The following AKAP7 variants were observed in gnomAD, a reference collection of about 807,000 sequenced individuals.
AKAP7 encodes the protein A-kinase anchoring protein 7.
A neutral mutation model predicts 39.5 loss-of-function variants in AKAP7; 39 were observed. That is an observed-to-expected ratio of 0.99 (90% confidence interval 0.76 to 1.29). The LOEUF is 1.29. Ranked by LOEUF, AKAP7 falls within the 50% of genes most tolerant of loss-of-function variation. AKAP7 has a pLI of 0.00. For synonymous variants in AKAP7, 140 were observed against 139.1 expected (o/e 1.01, Z -0.05); for missense variants, 414 against 407.7 (o/e 1.02, Z -0.13).
At chr6:131,137,328 T>TA (rs1157466070) in intron 1 of AKAP7, 2 of 152,072 alleles carry the variant, frequency 1.3e-5, no homozygotes, top group East Asian at 3.8e-4. Flanking sequence ...ATTATCCAGT[T>TA]AGGAAACCTG....
chr6:131,197,279 T>C (rs1807034480), intron 5 of AKAP7, among the ~76,000 whole-genome samples: 1 of 152,194 alleles, frequency 6.6e-6, no homozygotes, highest in Non-Finnish European at 1.5e-5. Flanking sequence ...TTAATAAATA[T>C]CTTTTCATAG....
At chr6:131,134,199 T>C (rs1431650050), upstream of AKAP7, among the ~76,000 whole-genome samples, 1 of 152,216 alleles carries the variant, frequency 6.6e-6, no homozygotes, top group African/African-American at 2.4e-5. Context: ...TTCAAACTCC[T>C]GGACTCAAGT....
chr6:131,260,597 TC>T (rs1189288322), intron 7 of AKAP7, among the ~76,000 whole-genome samples: 1 of 152,348 alleles, frequency 6.6e-6, no homozygotes, highest in Middle Eastern at 3.4e-3. Context: ...TGCACAGATG[TC>T]TTCTTTTGAG....
At chr6:131,170,526 C>T (rs1210305633) in intron 5 of AKAP7, among the ~76,000 whole-genome samples, 1 of 152,002 alleles carries the variant, frequency 6.6e-6, no homozygotes, top group Non-Finnish European at 1.5e-5. Context: ...TTTTATTTTC[C>T]CAAAGTATAT....
intron 7 of AKAP7, chr6:131,250,021 C>A (rs1158842449): frequency 8.0e-6 from 2 of 250,854 alleles, no homozygotes; most frequent in Admixed American, 6.4e-5. Context: ...GTACTTCATA[C>A]AAGTTGTGAT....
rs566306262 is a variant in AKAP7, at chr6:131,184,972, C to T, written c.590-14489C>T. ...CCCTTTCCCCGATGCTTGGGAGCAT[C>T]TTCACAGTACTCATCATCGAGGTCA... On this transcript the variant is annotated intron_variant, in intron 5 of 7. Coordinates refer to ENST00000431975, the MANE Select transcript of AKAP7 (RefSeq NM_016377.4). The T allele has an allele frequency of 3.9e-6, 3 of 771,220 alleles. No individual in the cohort carries two copies. In the South Asian group the frequency reaches 4.1e-5, roughly 10 times the overall value. 47.8% of individuals were successfully genotyped at this position (771,220 alleles called of 1,614,324 possible).
At chr6:131,170,378 T>A (rs986774136) in intron 5 of AKAP7, among the ~76,000 whole-genome samples, 9 of 147,836 alleles carry the variant, frequency 6.1e-5, no homozygotes, top group African/African-American at 1.7e-4. Flanking sequence ...AAAAAAAAAA[T>A]AATAACCTAG....
chr6:131,192,943 T>A (rs184161620), intron 5 of AKAP7, among the ~76,000 whole-genome samples: 109 of 152,356 alleles, frequency 7.2e-4, no homozygotes, highest in African/African-American at 2.5e-3. Flanking sequence ...ATTCTGCAAC[T>A]TTACTGAATT....
chr6:131,188,014 A>C (rs1463123896), intron 5 of AKAP7, among the ~76,000 whole-genome samples: 4 of 152,166 alleles, frequency 2.6e-5, no homozygotes, highest in South Asian at 2.1e-4. Flanking sequence ...ACTGGGTTGG[A>C]GTTAGAAGGC....
At chr6:131,223,165 A>C (rs1809855034) in intron 7 of AKAP7, among the ~76,000 whole-genome samples, 2 of 152,240 alleles carry the variant, frequency 1.3e-5, no homozygotes, top group South Asian at 4.1e-4. Context: ...GAAACCAAAA[A>C]ATTCATGTGG....
chr6:131,268,674 C>T (rs991052533), intron 7 of AKAP7, among the ~76,000 whole-genome samples: 1 of 152,176 alleles, frequency 6.6e-6, no homozygotes, highest in African/African-American at 2.4e-5. Context: ...GCCTTCAGAA[C>T]AGGAAAGTGA....
At chr6:131,161,278 G>A in intron 3 of AKAP7, among the ~76,000 whole-genome samples, 1 of 152,066 alleles carries the variant, frequency 6.6e-6, no homozygotes, top group East Asian at 1.9e-4. Flanking sequence ...TTTTAGATTT[G>A]ATGTACTGAA....
chr6:131,135,600 G>C lies in AKAP7; in HGVS notation c.-164G>C, dbSNP rs969234930. 1.9e-6 allele frequency: 1 copy of C among 520,532 alleles called. No homozygotes were observed. Among genetic ancestry groups the C allele is most frequent in the African/African-American group, 2.1e-5 (1 of 47,614 alleles). The allele number at this position is 520,532 out of a possible 1,614,324, so 32.2% of individuals were successfully genotyped here. Reference sequence around the variant, plus strand: ...TCCGCAGGCCTGGCCTCCGCCGCCCGGGCCCCCGCAGCCTGTCGCTGGACC... The same window carrying C: ...TCCGCAGGCCTGGCCTCCGCCGCCCCGGCCCCCGCAGCCTGTCGCTGGACC... On this transcript the variant is annotated 5_prime_UTR_variant, in exon 1 of 8. Transcript: ENST00000431975.
intron 2 of AKAP7, among the ~76,000 whole-genome samples, chr6:131,155,653 C>CT (rs1206153720): frequency 1.3e-5 from 2 of 152,148 alleles, no homozygotes; most frequent in Admixed American, 6.5e-5. Flanking sequence ...AAATGCTTGA[C>CT]TTTTTTCTGT....
At chr6:131,154,163 G>A (rs1249635295) in intron 2 of AKAP7, among the ~76,000 whole-genome samples, 6 of 151,954 alleles carry the variant, frequency 3.9e-5, no homozygotes, top group South Asian at 2.1e-4. Flanking sequence ...AGCAGAGATC[G>A]CTCCATTGCA....
At chr6:131,205,471 C>G (rs1378044010) in intron 6 of AKAP7, among the ~76,000 whole-genome samples, 1 of 152,046 alleles carries the variant, frequency 6.6e-6, no homozygotes, top group African/African-American at 2.4e-5. Context: ...CTCTGGTAGG[C>G]ACTTGTTGGC....
chr6:131,133,759 T>A (rs1015577561), upstream of AKAP7, among the ~76,000 whole-genome samples: 3 of 152,218 alleles, frequency 2.0e-5, no homozygotes, highest in Non-Finnish European at 4.4e-5. Flanking sequence ...TGCACATAGA[T>A]GCTTCACAGG....
chr6:131,195,449 A>T (rs1806832211), intron 5 of AKAP7, among the ~76,000 whole-genome samples: 1 of 152,174 alleles, frequency 6.6e-6, no homozygotes, highest in African/African-American at 2.4e-5. Flanking sequence ...ATTTCTTCCT[A>T]AGATAGGACT....
intron 7 of AKAP7, among the ~76,000 whole-genome samples, chr6:131,269,749 T>C (rs1814115113): frequency 6.6e-6 from 1 of 152,122 alleles, no homozygotes; most frequent in Non-Finnish European, 1.5e-5. Context: ...AAGGGGAGAA[T>C]TAAAACAATT....
Sources: allele counts gnomAD v4.1 joint callset (sites outside exome capture counted in the v4.1 genomes callset), GRCh38; gene constraint gnomAD v4.1.1; transcripts MANE v1.5; gene names NCBI Gene and HGNC (gene_info 2026-07-23, HGNC 2026-07-21).